Variants in GOLM1 observed in about 807,000 individuals in gnomAD.
GOLM1 encodes the protein golgi membrane protein 1, also known as epididymis luminal protein 46.
GOLM1 carries 31 observed loss-of-function variants against 50.5 expected under a neutral mutation model. The ratio of observed to expected loss-of-function variants is 0.61; its 90% CI spans 0.46 to 0.83. The LOEUF (loss-of-function observed/expected upper bound fraction) is 0.83. GOLM1 is among the 40% of genes least tolerant of loss of function. The pLI, the probability that GOLM1 is intolerant of heterozygous loss-of-function variation, is 0.00. For missense variants in GOLM1, 491 were observed against 501.3 expected (o/e 0.98, Z 0.20); for synonymous variants, 178 against 192.8 (o/e 0.92, Z 0.64).
Position 86,088,420 on chromosome 9 carries a change from GTATATATATATATATATATATA to G in GOLM1, c.-21-9101_-21-9080del, listed in dbSNP as rs71505775. ...TGGATTCGTTGTTTTTTTGAAGGGT[GTATATATATATATATATATATA>G]TATATATATATATATTTAGGATAGA... On this transcript the variant is annotated intron_variant, in intron 1 of 9. Transcript: ENST00000388712. Among the ~76,000 whole-genome samples, 39 of 86,288 alleles carry G rather than the reference GTATATATATATATATATATATA, an allele frequency of 4.5e-4. 1 individual carries two copies. The highest frequency in any genetic ancestry group is 8.0e-4 in the African/African-American group (14 of 17,414). 56.6% of individuals were successfully genotyped at this position (86,288 alleles called of 152,430 possible). A position where few individuals can be genotyped will look rare whatever the true frequency, so the allele number is the denominator to read the frequency against.
intron 3 of GOLM1, among the ~76,000 whole-genome samples, chr9:86,056,917 C>T (rs1834011325): frequency 6.6e-6 from 1 of 152,196 alleles, no homozygotes; most frequent in South Asian, 2.1e-4. Flanking sequence ...CCTCCTGCCT[C>T]AGCCTCCTGC....
intron 3 of GOLM1, among the ~76,000 whole-genome samples, chr9:86,060,704 C>T (rs1290615735): frequency 6.6e-6 from 1 of 151,496 alleles, no homozygotes; most frequent in Non-Finnish European, 1.5e-5. Flanking sequence ...CATGGAGAAG[C>T]CCCGTCTCTA....
chr9:86,092,890 T>C (rs921280046), intron 1 of GOLM1, among the ~76,000 whole-genome samples: 1 of 152,208 alleles, frequency 6.6e-6, no homozygotes, highest in Non-Finnish European at 1.5e-5. Flanking sequence ...GAGATGGAAG[T>C]GGGTGAGTGA....
At chr9:86,059,386 A>G (rs149790018) in intron 3 of GOLM1, among the ~76,000 whole-genome samples, 2 of 152,386 alleles carry the variant, frequency 1.3e-5, no homozygotes, top group Admixed American at 6.5e-5. Context: ...TTACCGACAC[A>G]TGCTACAACA....
chr9:86,046,421 C>G, intron 5 of GOLM1, 49 bp downstream of exon 5: 4 of 1,103,656 alleles, frequency 3.6e-6, no homozygotes, highest in Non-Finnish European at 5.6e-6. Flanking sequence ...CCCCGCCTCC[C>G]AGGTGCCGTG....
intron 3 of GOLM1, among the ~76,000 whole-genome samples, chr9:86,074,235 TAAAAAAAAA>T (rs11333722): frequency 8.2e-6 from 1 of 121,448 alleles, no homozygotes. Context: ...TTCTAAGATT[TAAAAAAAAA>T]AAAAAAAAAA....
chr9:86,071,471 GA>G (rs1834445576), intron 3 of GOLM1, among the ~76,000 whole-genome samples: 1 of 151,982 alleles, frequency 6.6e-6, no homozygotes, highest in Admixed American at 6.6e-5. Context: ...TTGAAGTCAG[GA>G]GTTCGAGACC....
In GOLM1 at chr9:86,081,194, ATTT is replaced by A. The variant is rs141790142; in HGVS notation, c.-21-1856_-21-1854del. 2.2e-3 allele frequency among the ~76,000 whole-genome samples: 299 copies of A among 133,658 alleles called. 1 individual carries two copies. Among genetic ancestry groups the A allele is most frequent in the Middle Eastern group, 4.0e-3 (1 of 250 alleles). The allele number at this position is 133,658 out of a possible 152,430, so 87.7% of individuals were successfully genotyped here. The stretch of plus-strand genomic sequence containing the variant: ...TGAGCCAGTGCACCCAGCCTCAATG[ATTT>A]TTTTTTTTTTTTTTTTGAGACGGAG... On this transcript the variant is annotated intron_variant, in intron 1 of 9. Transcript: ENST00000388712.
rs940017816 is a variant in GOLM1 at position 86,077,595 on chromosome 9, C to T, written c.130-4G>A. ...CTTCCAGCTCCATGATCCGTGTCTA[C>T]AAGGAGACCGTGGCATTAGGGCTGA... On this transcript the variant is annotated splice_polypyrimidine_tract_variant and splice_region_variant and intron_variant, in intron 2 of 9. Coordinates refer to ENST00000388712, the MANE Select transcript of GOLM1 (RefSeq NM_016548.4). 1.9e-6 allele frequency: 3 copies of T among 1,611,626 alleles called. No individual in the cohort carries two copies. The highest frequency in any genetic ancestry group is 2.5e-6 in the Non-Finnish European group (3 of 1,178,246).
At chr9:86,082,441 G>T (rs1461658877) in intron 1 of GOLM1, among the ~76,000 whole-genome samples, 1 of 148,916 alleles carries the variant, frequency 6.7e-6, no homozygotes, top group Non-Finnish European at 1.5e-5. Context: ...CACTCACTCT[G>T]TCACCCAGGC....
At chr9:86,095,705 CAAG>C (rs578209531) in intron 1 of GOLM1, among the ~76,000 whole-genome samples, 194 of 152,292 alleles carry the variant, frequency 1.3e-3, no homozygotes, top group Non-Finnish European at 2.4e-3. Flanking sequence ...GGCTGAAAAC[CAAG>C]AAGAACCGAG....
chr9:86,096,740 A>G (rs555066243), intron 1 of GOLM1, among the ~76,000 whole-genome samples: 2 of 152,334 alleles, frequency 1.3e-5, no homozygotes, highest in South Asian at 4.1e-4. Context: ...AATGTTGTTA[A>G]CAAATCCAGC....
In GOLM1 at chr9:86,058,719, G is replaced by C. The variant is rs758415030; in HGVS notation, c.310-6128C>G. On this transcript the variant is annotated intron_variant, in intron 3 of 9. Coordinates refer to ENST00000388712, the MANE Select transcript of GOLM1 (RefSeq NM_016548.4). ...TCAAAAAAAAAAAAAAAAATAGCCA[G>C]GGCGAGGTGGCTCACGCCTGTAATC... 1.2e-3 allele frequency among the ~76,000 whole-genome samples: 147 copies of C among 121,406 alleles called. 1 individual carries two copies. Among genetic ancestry groups the C allele is most frequent in the Middle Eastern group, 0.011 (2 of 186 alleles). The allele number at this position is 121,406 out of a possible 152,430, so 79.6% of individuals were successfully genotyped here.
chr9:86,046,651 A>T (rs1419121150), intron 4 of GOLM1, 79 bp from the exon 5 acceptor site: 1 of 819,458 alleles, frequency 1.2e-6, no homozygotes, highest in East Asian at 2.6e-5. Flanking sequence ...ACAGAGGCAG[A>T]CTCACACATC....
At position 86,027,401 on chromosome 9, in the gene GOLM1, A is replaced by G. The variant is rs183850690; in HGVS notation, c.*416T>C. 12 of 999,872 alleles carry G rather than the reference A, an allele frequency of 1.2e-5. No individual in the cohort carries two copies. The East Asian group carries it at 1.2e-3, about 100-fold the overall frequency. The allele number at this position is 999,872 out of a possible 1,614,324, so 61.9% of individuals were successfully genotyped here. On this transcript the variant is annotated 3_prime_UTR_variant, in exon 10 of 10. Coordinates refer to ENST00000388712, the MANE Select transcript of GOLM1 (RefSeq NM_016548.4). The stretch of plus-strand genomic sequence containing the variant: ...TAACAGGCTGGCACCAGCACTTGGT[A>G]CAGCACGTGGACAGGACGACGGAAC...
Position 86,035,866 on chromosome 9 carries a change from C to CAAAAAAAAAAAA in GOLM1, c.758-242_758-241insTTTTTTTTTTTT, listed in dbSNP as rs1276980708. On this transcript the variant is annotated intron_variant, in intron 7 of 9. Coordinates refer to ENST00000388712, the MANE Select transcript of GOLM1 (RefSeq NM_016548.4). ...CGCGACAAAGGGAAAAGTAGCTTAC[C>CAAAAAAAAAAAA]AAAAAAAAAAACAAAACAAAAAAAA... Among the ~76,000 whole-genome samples, 300 of 46,612 alleles carry CAAAAAAAAAAAA rather than the reference C, an allele frequency of 6.4e-3. 13 individuals are homozygous for CAAAAAAAAAAAA. The highest frequency in any genetic ancestry group is 0.012 in the Middle Eastern group (1 of 84). The allele number at this position is 46,612 out of a possible 152,430, so 30.6% of individuals were successfully genotyped here. A position where few individuals can be genotyped will look rare whatever the true frequency, so the allele number is the denominator to read the frequency against.
chr9:86,053,191 C>G (rs915855758), intron 3 of GOLM1, among the ~76,000 whole-genome samples: 4 of 98,672 alleles, frequency 4.1e-5, no homozygotes, highest in African/African-American at 1.5e-4. Flanking sequence ...CCACACCCAC[C>G]ACTCCACACC....
intron 4 of GOLM1, among the ~76,000 whole-genome samples, chr9:86,049,786 T>A (rs935537668): frequency 1.3e-5 from 2 of 152,242 alleles, no homozygotes; most frequent in African/African-American, 4.8e-5. Flanking sequence ...TGGAGTTTTC[T>A]AAACATACAA....
chr9:86,050,544 G>GTTAT, intron 4 of GOLM1, among the ~76,000 whole-genome samples: 1 of 152,300 alleles, frequency 6.6e-6, no homozygotes, highest in East Asian at 1.9e-4. Context: ...TTCAGAGCCT[G>GTTAT]TTATTGGTCT....
Sources: allele counts gnomAD v4.1 joint callset (sites outside exome capture counted in the v4.1 genomes callset), GRCh38; gene constraint gnomAD v4.1.1; transcripts MANE v1.5; gene names NCBI Gene and HGNC (gene_info 2026-07-23, HGNC 2026-07-21).